RYR3: variants seen among roughly 807,000 people sequenced by gnomAD.
RYR3 encodes ryanodine receptor 3.
In RYR3, 207 loss-of-function variants were observed where a neutral mutation model predicts 584.3. The observed-to-expected ratio is 0.35, with a 90% confidence interval of 0.32 to 0.40. The LOEUF is 0.40. Among genes scored for constraint, RYR3 ranks in the 10% least tolerant of loss-of-function variants. The pLI is 1.00. For missense variants in RYR3, 5,616 were observed against 6,089.2 expected (o/e 0.92, Z 2.59); for synonymous variants, 2,416 against 2,248.5 (o/e 1.07, Z -2.11).
At chr15:33,745,237 A>T (rs1334341180) in intron 52 of RYR3, among the ~76,000 whole-genome samples, 2 of 152,056 alleles carry the variant, frequency 1.3e-5, no homozygotes, top group Non-Finnish European at 2.9e-5. Context: ...TAGAGAAGTA[A>T]TTTGAGGGGT....
At chr15:33,814,954 C>A (rs1430328050) in intron 74 of RYR3, among the ~76,000 whole-genome samples, 2 of 149,330 alleles carry the variant, frequency 1.3e-5, no homozygotes, top group Non-Finnish European at 1.5e-5. Context: ...CCTATAATCC[C>A]AGCTATTTGG....
intron 66 of RYR3, 117 bp from the exon 67 acceptor site, chr15:33,788,100 AG>A (rs768729848): frequency 1.8e-4 from 229 of 1,265,806 alleles, no homozygotes; most frequent in Middle Eastern, 1.0e-3. Context: ...GAAGGGAACA[AG>A]GGGCAGGTGC....
rs1188038784 is a variant in RYR3, at chr15:33,348,920, A to AT, written c.51+37831dup. Among the ~76,000 whole-genome samples the AT allele has an allele frequency of 3.3e-5, 5 of 151,660 alleles. No individual in the cohort carries two copies. In the South Asian group the frequency reaches 8.3e-4, roughly 25 times the overall value. On this transcript the variant is annotated intron_variant, in intron 1 of 103. Transcript: ENST00000634891. Reference sequence around the variant, plus strand: ...TCACCCTAAAAATCCCCTGTGTTTTATTTTTTTCTCCTCCCCCCGACACCC... The same window carrying AT: ...TCACCCTAAAAATCCCCTGTGTTTTATTTTTTTTCTCCTCCCCCCGACACCC...
intron 64 of RYR3, among the ~76,000 whole-genome samples, chr15:33,778,552 G>T (rs1323358276): frequency 6.6e-6 from 1 of 152,236 alleles, no homozygotes; most frequent in Admixed American, 6.5e-5. Context: ...TAGTAAAGAA[G>T]AGAAATAATC....
chr15:33,779,481 A>G (rs1362833049), intron 64 of RYR3, among the ~76,000 whole-genome samples: 1 of 152,124 alleles, frequency 6.6e-6, no homozygotes, highest in Non-Finnish European at 1.5e-5. Context: ...CAGGTCTTTT[A>G]TTTTTGTGTC....
At chr15:33,460,392 A>C (rs2047920136) in intron 1 of RYR3, among the ~76,000 whole-genome samples, 1 of 152,244 alleles carries the variant, frequency 6.6e-6, no homozygotes. Flanking sequence ...TTTGGTATGC[A>C]ACTGACTGAA....
intron 51 of RYR3, among the ~76,000 whole-genome samples, chr15:33,740,969 A>G (rs931548904): frequency 6.6e-6 from 1 of 152,256 alleles, no homozygotes; most frequent in Admixed American, 6.5e-5. Context: ...GCTTGGGCCA[A>G]AGAAGGCAGG....
chr15:33,644,403 G>T lies in RYR3; in HGVS notation c.3649G>T (p.Gly1217Cys). 2 of 1,613,598 alleles carry T rather than the reference G, an allele frequency of 1.2e-6. No homozygotes were observed. The highest frequency in any genetic ancestry group is 1.7e-6 in the Non-Finnish European group (2 of 1,179,714). The change falls in exon 28 of 104, where the codon GGT (glycine) becomes TGT (cysteine). Residue 1217 changes from glycine to cysteine, a missense_variant. By Grantham distance (159) the Gly-to-Cys change is radical (BLOSUM62 -3). Around this residue, in one of 9 missense-constraint regions of RYR3, gnomAD observed 152 missense variants for 200.9 expected, o/e 0.76. Transcript: ENST00000634891. ...TACCTTCAAGTTTTATACCATGTGC[G>T]GTCTCCAAGAGGGCTTTGAGCCTTT... is the stretch of plus-strand genomic sequence containing the variant. ...ASTFKFYTMC[G>C]LQEGFEPFAV...
intron 42 of RYR3, among the ~76,000 whole-genome samples, chr15:33,703,473 G>A (rs140520658): frequency 3.9e-5 from 6 of 152,322 alleles, no homozygotes; most frequent in Non-Finnish European, 7.4e-5. Flanking sequence ...CTGTTTTGCT[G>A]TGTCCTCACG....
intron 86 of RYR3, among the ~76,000 whole-genome samples, chr15:33,832,150 C>G (rs2077717009): frequency 6.6e-6 from 1 of 151,814 alleles, no homozygotes; most frequent in Non-Finnish European, 1.5e-5. Context: ...AAAAATTAGC[C>G]AGGCATGGTG....
Position 33,865,350 on chromosome 15 carries a change from A to AC in RYR3, c.*125dup. 1 of 685,488 alleles carries AC rather than the reference A, an allele frequency of 1.5e-6. No homozygotes were observed. The highest frequency in any genetic ancestry group is 2.4e-6 in the Non-Finnish European group (1 of 410,356). 42.5% of individuals were successfully genotyped at this position (685,488 alleles called of 1,614,324 possible). A position where few individuals can be genotyped will look rare whatever the true frequency, so the allele number is the denominator to read the frequency against. On this transcript the variant is annotated 3_prime_UTR_variant, in exon 104 of 104. Coordinates refer to ENST00000634891, the MANE Select transcript of RYR3 (RefSeq NM_001036.6). ...TCTAAATGCCTCCCTTAAAAAAAAA[A>AC]CTGCTGAAAATCTGTGCTATTTTGA... is the stretch of plus-strand genomic sequence containing the variant.
At chr15:33,755,240 C>A in intron 58 of RYR3, 60 bp downstream of exon 58, 1 of 996,560 alleles carries the variant, frequency 1.0e-6, no homozygotes, top group Non-Finnish European at 1.6e-6. Flanking sequence ...AGAAATAATC[C>A]TTTCAGACTG....
chr15:33,672,221 C>G (rs996497234), intron 38 of RYR3, among the ~76,000 whole-genome samples: 1 of 152,252 alleles, frequency 6.6e-6, no homozygotes. Context: ...GATGAAGTCA[C>G]TTGTCACCTG....
intron 12 of RYR3, among the ~76,000 whole-genome samples, chr15:33,568,605 AT>A (rs1304228138): frequency 6.6e-6 from 1 of 152,014 alleles, no homozygotes; most frequent in Non-Finnish European, 1.5e-5. Context: ...TAATTTTTTA[AT>A]TTTTTGTAGA....
At chr15:33,443,772 A>C (rs2046409115) in intron 1 of RYR3, among the ~76,000 whole-genome samples, 1 of 152,340 alleles carries the variant, frequency 6.6e-6, no homozygotes, top group Non-Finnish European at 1.5e-5. Flanking sequence ...CCACATGCCC[A>C]GGAAGTGGGA....
At chr15:33,330,228 T>C (rs895460391) in intron 1 of RYR3, among the ~76,000 whole-genome samples, 4 of 152,194 alleles carry the variant, frequency 2.6e-5, no homozygotes, top group Admixed American at 1.3e-4. Context: ...TACACCTCTT[T>C]ATGTGCTTCA....
At chr15:33,471,406 T>C (rs1351011829) in intron 1 of RYR3, among the ~76,000 whole-genome samples, 1 of 152,064 alleles carries the variant, frequency 6.6e-6, no homozygotes, top group African/African-American at 2.4e-5. Context: ...CTTGGCAGCT[T>C]GGGATGTGAC....
chr15:33,542,420 A>G (rs1208036803), intron 7 of RYR3, among the ~76,000 whole-genome samples: 2 of 152,302 alleles, frequency 1.3e-5, no homozygotes, highest in Non-Finnish European at 2.9e-5. Flanking sequence ...AATTTTCTAA[A>G]TAAATTAGCT....
intron 66 of RYR3, 121 bp downstream of exon 66, chr15:33,786,103 C>A: frequency 1.3e-6 from 1 of 782,250 alleles, no homozygotes; most frequent in Non-Finnish European, 1.9e-6. Flanking sequence ...TTAAACCTCC[C>A]CATGCCCACC....
Sources: allele counts gnomAD v4.1 joint callset (sites outside exome capture counted in the v4.1 genomes callset), GRCh38; gene constraint gnomAD v4.1.1; regional missense constraint gnomAD v4.1.1; transcripts MANE v1.5; gene names NCBI Gene and HGNC (gene_info 2026-07-23, HGNC 2026-07-21).